The following NOL4 variants were observed in gnomAD, a reference collection of about 807,000 sequenced individuals.
NOL4 encodes the protein cancer/testis antigen 125.
A neutral mutation model predicts 75.9 loss-of-function variants in NOL4; 17 were observed. The observed-to-expected ratio is 0.22, with a 90% CI of 0.15 to 0.34. NOL4 has a LOEUF of 0.34. Ranked by LOEUF, NOL4 falls within the 10% of genes least tolerant of loss-of-function variation. NOL4 has a pLI of 1.00. For missense variants in NOL4, 614 were observed against 793.5 expected (o/e 0.77, Z 2.72); for synonymous variants, 292 against 289.9 (o/e 1.01, Z -0.07).
chr18:34,138,727 G>A (rs1405326614), intron 1 of NOL4, among the ~76,000 whole-genome samples: 1 of 152,150 alleles, frequency 6.6e-6, no homozygotes, highest in African/African-American at 2.4e-5. Context: ...AATAGGAGTG[G>A]TGAGAGAGGG....
intron 5 of NOL4, among the ~76,000 whole-genome samples, chr18:34,081,536 A>C (rs1029406846): frequency 2.0e-5 from 3 of 152,180 alleles, no homozygotes. Context: ...TCAATAACAT[A>C]TATATTTTAT....
At position 34,120,349 on chromosome 18, in the gene NOL4, T is replaced by C. The variant is rs575462697; in HGVS notation, c.414+9522A>G. On this transcript the variant is annotated intron_variant, in intron 2 of 10. Coordinates refer to ENST00000261592, the MANE Select transcript of NOL4 (RefSeq NM_003787.5). ...ATAAGCTAGCACATATACACACTCA[T>C]AAAATCAAACTGATCATTTCTATTC... Among the ~76,000 whole-genome samples, 333 of 152,296 alleles carry C rather than the reference T, an allele frequency of 2.2e-3. 3 individuals carry two copies. The highest frequency in any genetic ancestry group is 7.6e-3 in the African/African-American group (317 of 41,566).
intron 1 of NOL4, among the ~76,000 whole-genome samples, chr18:34,146,666 TC>T (rs1423744836): frequency 1.3e-5 from 2 of 152,174 alleles, no homozygotes; most frequent in African/African-American, 2.4e-5. Flanking sequence ...GTGTGATGCC[TC>T]CAGCTTTGTT....
intron 1 of NOL4, among the ~76,000 whole-genome samples, chr18:34,144,190 T>C (rs1022777560): frequency 2.6e-5 from 4 of 152,166 alleles, no homozygotes; most frequent in African/African-American, 9.6e-5. Flanking sequence ...TAATATTAAT[T>C]ACTTAATAAG....
intron 10 of NOL4, among the ~76,000 whole-genome samples, chr18:33,875,732 T>C (rs1567989748): frequency 6.6e-6 from 1 of 151,868 alleles, no homozygotes; most frequent in African/African-American, 2.4e-5. Context: ...TTCCTTTTGA[T>C]ATCATTCTAT....
chr18:33,861,911 A>T (rs2063156005), intron 10 of NOL4, among the ~76,000 whole-genome samples: 1 of 152,152 alleles, frequency 6.6e-6, no homozygotes, highest in Non-Finnish European at 1.5e-5. Context: ...CAGAATTGGA[A>T]AAAACTACTT....
intron 5 of NOL4, among the ~76,000 whole-genome samples, chr18:34,032,520 C>G (rs2075689419): frequency 6.6e-6 from 1 of 152,132 alleles, no homozygotes; most frequent in Admixed American, 6.5e-5. Flanking sequence ...GACTACCCAC[C>G]CAGCTACCAC....
At chr18:34,133,041 G>C (rs535312579) in intron 1 of NOL4, among the ~76,000 whole-genome samples, 1 of 148,694 alleles carries the variant, frequency 6.7e-6, no homozygotes, top group Admixed American at 6.7e-5. Flanking sequence ...AGGAGGCAGA[G>C]GGGGGTGGAT....
intron 10 of NOL4, 49 bp from the exon 11 acceptor site, chr18:33,853,084 G>C: frequency 2.7e-6 from 4 of 1,490,404 alleles, no homozygotes; most frequent in Non-Finnish European, 3.6e-6. Flanking sequence ...ATTTGTTCCA[G>C]CATCTTGGAT....
chr18:33,971,593 CT>C (rs965805145), intron 6 of NOL4, among the ~76,000 whole-genome samples: 1 of 152,094 alleles, frequency 6.6e-6, no homozygotes, highest in African/African-American at 2.4e-5. Context: ...ATTTTTAGAA[CT>C]GTAAGTGATG....
chr18:34,035,002 T>C (rs1260217357), intron 5 of NOL4, among the ~76,000 whole-genome samples: 7 of 152,028 alleles, frequency 4.6e-5, no homozygotes, highest in Non-Finnish European at 1.0e-4. Context: ...CAATAGACTC[T>C]AAAACAAGAA....
chr18:34,059,874 G>A (rs1275540289), intron 5 of NOL4, among the ~76,000 whole-genome samples: 1 of 152,150 alleles, frequency 6.6e-6, no homozygotes, highest in Non-Finnish European at 1.5e-5. Flanking sequence ...GACACCCGGA[G>A]AGAAACAGAC....
At chr18:34,098,872 G>A (rs2078911307) in intron 4 of NOL4, among the ~76,000 whole-genome samples, 1 of 152,096 alleles carries the variant, frequency 6.6e-6, no homozygotes, top group Admixed American at 6.5e-5. Context: ...TGCCCCATCT[G>A]CAAAATGGAG....
chr18:34,074,481 C>T (rs963233016), intron 5 of NOL4, among the ~76,000 whole-genome samples: 2 of 151,796 alleles, frequency 1.3e-5, no homozygotes, highest in Non-Finnish European at 2.9e-5. Context: ...TTTTACTTAA[C>T]TGATAACACT....
intron 5 of NOL4, among the ~76,000 whole-genome samples, chr18:34,080,389 T>G (rs996582817): frequency 1.3e-5 from 2 of 152,180 alleles, no homozygotes; most frequent in African/African-American, 4.8e-5. Flanking sequence ...GCCCTGCATA[T>G]AGTTCTGGCA....
intron 2 of NOL4, among the ~76,000 whole-genome samples, chr18:34,107,250 C>T (rs2079333608): frequency 6.6e-6 from 1 of 152,076 alleles, no homozygotes; most frequent in African/African-American, 2.4e-5. Context: ...AATCATATCA[C>T]ATTAGTTTTA....
chr18:34,070,192 C>T (rs1209551881), intron 5 of NOL4, among the ~76,000 whole-genome samples: 1 of 152,226 alleles, frequency 6.6e-6, no homozygotes, highest in African/African-American at 2.4e-5. Context: ...CCACTGCGCC[C>T]AGCTAATTTT....
chr18:34,090,662 AG>A (rs1206133890), intron 5 of NOL4, among the ~76,000 whole-genome samples: 2 of 151,932 alleles, frequency 1.3e-5, no homozygotes, highest in Non-Finnish European at 2.9e-5. Context: ...AGAAAAAAAA[AG>A]GGGGGGAGGC....
intron 10 of NOL4, among the ~76,000 whole-genome samples, chr18:33,881,617 T>C (rs1197618447): frequency 2.6e-5 from 4 of 151,924 alleles, no homozygotes; most frequent in Admixed American, 2.6e-4. Context: ...ATCGTGAAAA[T>C]GGCCATACTG....
Sources: allele counts gnomAD v4.1 joint callset (sites outside exome capture counted in the v4.1 genomes callset), GRCh38; gene constraint gnomAD v4.1.1; transcripts MANE v1.5; gene names NCBI Gene and HGNC (gene_info 2026-07-23, HGNC 2026-07-21).